SCRG1: variants seen among roughly 807,000 people sequenced by gnomAD.
SCRG1 encodes scrapie-responsive protein 1.
A neutral mutation model predicts 7.7 loss-of-function variants in SCRG1; 3 were observed. That is an observed-to-expected ratio of 0.39 (90% CI 0.18 to 1.01). SCRG1 has a LOEUF of 1.01. Ranked by LOEUF, SCRG1 falls within the 50% of genes least tolerant of loss-of-function variation. The probability of loss-of-function intolerance (pLI) is 0.36; values close to 1 mark genes in which losing one functional copy is unlikely to be tolerated. For synonymous variants in SCRG1, 46 were observed against 41.2 expected, an observed-to-expected ratio of 1.12 and a Z score of -0.44; for missense variants, 110 against 117.2, an observed-to-expected ratio of 0.94 and a Z score of 0.28.
chr4:173,408,958 C>T (rs537074085), upstream of SCRG1, among the ~76,000 whole-genome samples: 124 of 143,252 alleles, frequency 8.7e-4, no homozygotes, highest in African/African-American at 3.2e-3. Flanking sequence ...CGCCGCCGCA[C>T]TCCGGCCTGG....
the SCRG1 span, among the ~76,000 whole-genome samples, chr4:173,452,821 G>A: frequency 2.6e-5 from 4 of 152,240 alleles, no homozygotes; most frequent in Non-Finnish European, 5.9e-5. Flanking sequence ...AAAACTTCTT[G>A]TGTACTTAGA....
the SCRG1 span, among the ~76,000 whole-genome samples, chr4:173,518,747 G>T: frequency 1.9e-4 from 29 of 152,188 alleles, no homozygotes; most frequent in Admixed American, 1.2e-3. Context: ...GCCTAGGTTG[G>T]TGGATCGACC....
At chr4:173,506,625 G>A in the SCRG1 span, among the ~76,000 whole-genome samples, 1 of 152,180 alleles carries the variant, frequency 6.6e-6, no homozygotes, top group Non-Finnish European at 1.5e-5. This position sits in a 1 kb window ranked among gnomAD's most constrained non-coding sequence, Gnocchi z 5.3. Context: ...GTAGGGGCGG[G>A]CAGATTTTAT....
the SCRG1 span, among the ~76,000 whole-genome samples, chr4:173,514,113 T>A: frequency 6.6e-6 from 1 of 152,132 alleles, no homozygotes; most frequent in Admixed American, 6.5e-5. Flanking sequence ...GGGTCATAAG[T>A]TGAAAATTAG....
chr4:173,448,821 A>G, the SCRG1 span, among the ~76,000 whole-genome samples: 14 of 152,342 alleles, frequency 9.2e-5, no homozygotes, highest in African/African-American at 3.4e-4. Context: ...AACTTGGCAG[A>G]TAGTATTAAA....
At chr4:173,484,656 A>G in the SCRG1 span, among the ~76,000 whole-genome samples, 1 of 97,256 alleles carries the variant, frequency 1.0e-5, no homozygotes, top group Non-Finnish European at 1.8e-5. Context: ...TATATATTAT[A>G]TATTATATAT....
At chr4:173,450,510 G>A in the SCRG1 span, among the ~76,000 whole-genome samples, 432 of 152,228 alleles carry the variant, frequency 2.8e-3, 2 homozygotes, top group African/African-American at 9.8e-3. Context: ...TGAGAGCATG[G>A]GCAGCATTGG....
chr4:173,507,658 C>T, the SCRG1 span, among the ~76,000 whole-genome samples: 2 of 152,286 alleles, frequency 1.3e-5, no homozygotes, highest in South Asian at 2.1e-4. This position sits in a 1 kb window ranked among gnomAD's most constrained non-coding sequence, Gnocchi z 4.4. Flanking sequence ...CCTGTGGCCG[C>T]CACCACCAGA....
chr4:173,452,158 C>A, the SCRG1 span, among the ~76,000 whole-genome samples: 4 of 149,768 alleles, frequency 2.7e-5, no homozygotes, highest in African/African-American at 9.8e-5. Flanking sequence ...ATTGATTGAA[C>A]CCAGGAGGCA....
chr4:173,483,230 T>C, the SCRG1 span, among the ~76,000 whole-genome samples: 2 of 47,996 alleles, frequency 4.2e-5, no homozygotes, highest in African/African-American at 8.2e-5. Flanking sequence ...ATATATATTA[T>C]ATATAATATA....
At chr4:173,454,959 A>G in the SCRG1 span, among the ~76,000 whole-genome samples, 1 of 152,190 alleles carries the variant, frequency 6.6e-6, no homozygotes, top group Non-Finnish European at 1.5e-5. Flanking sequence ...GGAGATTGGA[A>G]TTCTGTGTTC....
chr4:173,484,193 T>G, the SCRG1 span, among the ~76,000 whole-genome samples: 2 of 84,852 alleles, frequency 2.4e-5, no homozygotes, highest in South Asian at 7.9e-4. Flanking sequence ...ATTTTCTATA[T>G]TATATATTAT....
chr4:173,420,147 C>T, the SCRG1 span: 2 of 516,774 alleles, frequency 3.9e-6, no homozygotes, highest in South Asian at 1.5e-5. Context: ...TCCTGCAGAA[C>T]AGAGACCCAC....
chr4:173,436,207 G>C, the SCRG1 span, among the ~76,000 whole-genome samples: 13 of 152,164 alleles, frequency 8.5e-5, no homozygotes, highest in Admixed American at 8.5e-4. Flanking sequence ...ATTTGATCAG[G>C]AAATCCACCA....
At chr4:173,504,323 G>GC in the SCRG1 span, among the ~76,000 whole-genome samples, 10 of 152,164 alleles carry the variant, frequency 6.6e-5, no homozygotes, top group African/African-American at 2.4e-4. The surrounding 1 kb of genome is among the most constrained non-coding windows in gnomAD (Gnocchi z 4.7). Flanking sequence ...TCCTCCGGTA[G>GC]CCGTATGGGG....
At chr4:173,413,968 G>C in the SCRG1 span, among the ~76,000 whole-genome samples, 1 of 152,150 alleles carries the variant, frequency 6.6e-6, no homozygotes, top group Non-Finnish European at 1.5e-5. Context: ...GGTCTCCCAG[G>C]TACCTTGATA....
chr4:173,425,700 T>A, the SCRG1 span, among the ~76,000 whole-genome samples: 1 of 152,224 alleles, frequency 6.6e-6, no homozygotes, highest in East Asian at 1.9e-4. Flanking sequence ...GCCTCATCAA[T>A]CTTTTATCCA....
At chr4:173,484,731 A>G in the SCRG1 span, among the ~76,000 whole-genome samples, 1 of 89,552 alleles carries the variant, frequency 1.1e-5, no homozygotes, top group Admixed American at 2.0e-4. Flanking sequence ...TTATATGCAT[A>G]TAATACATAT....
chr4:173,447,037 G>A, the SCRG1 span, among the ~76,000 whole-genome samples: 34 of 152,304 alleles, frequency 2.2e-4, 1 homozygote, highest in South Asian at 7.0e-3. Flanking sequence ...GCCACTGTGA[G>A]CTTCATAGCT....
Sources: gnomAD v4.1 joint callset for allele counts (sites outside exome capture counted in the v4.1 genomes callset) on GRCh38, gnomAD v4.1.1 for gene constraint, Gnocchi (gnomAD v3.1) non-coding constraint, MANE v1.5 for transcripts, NCBI Gene and HGNC (gene_info 2026-07-23, HGNC 2026-07-21) for gene names.